GPC5: variants seen among roughly 807,000 people sequenced by gnomAD.
The protein encoded by GPC5 is glypican 5.
Under a neutral mutation model 53.9 loss-of-function variants are expected in GPC5, and 47 were observed. That is an observed-to-expected ratio of 0.87 (90% CI 0.69 to 1.11). The LOEUF (loss-of-function observed/expected upper bound fraction) is 1.11. Ranked by LOEUF, GPC5 falls within the 50% of genes most tolerant of loss-of-function variation. The pLI, the probability that GPC5 is intolerant of heterozygous loss-of-function variation, is 0.00. For synonymous variants in GPC5, 286 were observed against 263.3 expected (o/e 1.09, Z -0.84); for missense variants, 748 against 713.1 (o/e 1.05, Z -0.56).
chr13:91,572,217 A>ATACACACATATGTATATATACGTGTG (rs1566517664), intron 2 of GPC5, among the ~76,000 whole-genome samples: 10 of 89,412 alleles, frequency 1.1e-4, no homozygotes, highest in African/African-American at 3.7e-4. Flanking sequence ...ATACGTGTAT[A>ATACACACATATGTATATATACGTGTG]TATATACACA....
chr13:92,111,238 A>G (rs2041554270), intron 6 of GPC5, among the ~76,000 whole-genome samples: 1 of 152,170 alleles, frequency 6.6e-6, no homozygotes, highest in Non-Finnish European at 1.5e-5. Context: ...TGGCAGCTTC[A>G]TCTACCTACA....
intron 4 of GPC5, among the ~76,000 whole-genome samples, chr13:91,731,989 AACATACAT>A (rs1449618253): frequency 1.3e-5 from 2 of 152,220 alleles, no homozygotes; most frequent in Non-Finnish European, 2.9e-5. Flanking sequence ...TGCTGCAATA[AACATACAT>A]GTGCATGTGT....
chr13:92,702,956 A>G (rs1199721956), intron 7 of GPC5, among the ~76,000 whole-genome samples: 2 of 151,950 alleles, frequency 1.3e-5, no homozygotes, highest in African/African-American at 4.8e-5. Context: ...CTGCCTCTAA[A>G]GCTCAGATGG....
intron 2 of GPC5, among the ~76,000 whole-genome samples, chr13:91,580,372 A>G (rs2032315688): frequency 4.6e-5 from 7 of 152,188 alleles, no homozygotes; most frequent in Admixed American, 4.6e-4. Context: ...GGTGAAAATA[A>G]ATATAACAAA....
intron 7 of GPC5, among the ~76,000 whole-genome samples, chr13:92,684,478 C>A (rs1887199331): frequency 6.6e-6 from 1 of 151,960 alleles, no homozygotes; most frequent in Non-Finnish European, 1.5e-5. Context: ...ACCATATTGG[C>A]CAGGCAGGTC....
At chr13:92,301,914 T>A (rs4773678) in intron 7 of GPC5, among the ~76,000 whole-genome samples, 81,750 of 150,000 alleles carry the variant, frequency 0.55, 22,441 homozygotes, top group South Asian at 0.72. Flanking sequence ...ATAAATAAAT[T>A]AATTAATTAA....
At chr13:92,138,251 TG>T (rs1443196716) in intron 6 of GPC5, among the ~76,000 whole-genome samples, 3 of 152,184 alleles carry the variant, frequency 2.0e-5, no homozygotes, top group Non-Finnish European at 2.9e-5. Context: ...CCAGGCGCAG[TG>T]GCTCACACCT....
At chr13:92,681,471 C>A (rs1244701639) in intron 7 of GPC5, among the ~76,000 whole-genome samples, 1 of 152,022 alleles carries the variant, frequency 6.6e-6, no homozygotes, top group East Asian at 1.9e-4. Flanking sequence ...CCTACCCTGG[C>A]CTCCACCACA....
At chr13:92,083,925 T>G (rs1010288213) in intron 6 of GPC5, among the ~76,000 whole-genome samples, 14 of 152,226 alleles carry the variant, frequency 9.2e-5, no homozygotes, top group Non-Finnish European at 1.2e-4. Flanking sequence ...ATATACTCCA[T>G]GGAATACTAC....
chr13:91,619,232 ATTACCT>A (rs1403697195), intron 2 of GPC5, among the ~76,000 whole-genome samples: 1 of 152,092 alleles, frequency 6.6e-6, no homozygotes, highest in African/African-American at 2.4e-5. Context: ...GAAAAGGTTA[ATTACCT>A]TTACTATGTC....
intron 3 of GPC5, among the ~76,000 whole-genome samples, chr13:91,695,295 A>G (rs1218111916): frequency 1.3e-5 from 2 of 152,160 alleles, no homozygotes; most frequent in Non-Finnish European, 2.9e-5. Flanking sequence ...GGAGGTACCA[A>G]TGACTGCTGT....
chr13:91,735,496 C>A (rs2036795431), intron 4 of GPC5, among the ~76,000 whole-genome samples: 1 of 151,128 alleles, frequency 6.6e-6, no homozygotes, highest in South Asian at 2.1e-4. Context: ...TTTATAAAAT[C>A]TTGTAAGGTA....
At chr13:92,837,124 T>C (rs1452121631) in intron 7 of GPC5, among the ~76,000 whole-genome samples, 1 of 152,148 alleles carries the variant, frequency 6.6e-6, no homozygotes, top group African/African-American at 2.4e-5. Flanking sequence ...CTTACAGTTG[T>C]AAAATAATCA....
At chr13:91,877,367 T>C (rs952577950) in intron 5 of GPC5, among the ~76,000 whole-genome samples, 1 of 152,190 alleles carries the variant, frequency 6.6e-6, no homozygotes, top group African/African-American at 2.4e-5. Context: ...AGGGAGGCTG[T>C]ACCCTGTAAA....
chr13:91,684,060 G>A lies in GPC5; in HGVS notation c.326-9127G>A, dbSNP rs114953154. 7.4e-3 allele frequency among the ~76,000 whole-genome samples: 1,124 copies of A among 152,242 alleles called. 15 individuals are homozygous for A. The highest frequency in any genetic ancestry group is 0.026 in the African/African-American group (1,067 of 41,538). On this transcript the variant is annotated intron_variant, in intron 2 of 7. Coordinates refer to ENST00000377067, the MANE Select transcript of GPC5 (RefSeq NM_004466.6). ...TTGCCCTTTTAATAGCATTTGACATGATAGATTACTTTCTTCTACTTGCAT... is the reference window on the plus strand; with the variant it reads ...TTGCCCTTTTAATAGCATTTGACATAATAGATTACTTTCTTCTACTTGCAT...
At chr13:92,717,339 A>C (rs1216211861) in intron 7 of GPC5, among the ~76,000 whole-genome samples, 1 of 152,140 alleles carries the variant, frequency 6.6e-6, no homozygotes, top group Non-Finnish European at 1.5e-5. Context: ...GGTTCTAGCA[A>C]GTCTACACCT....
intron 5 of GPC5, among the ~76,000 whole-genome samples, chr13:91,899,095 C>CT (rs546548786): frequency 4.8e-4 from 73 of 152,246 alleles, no homozygotes; most frequent in African/African-American, 1.7e-3. Context: ...CAGCTATCAA[C>CT]ACCTTCATAA....
At chr13:91,732,900 T>C (rs571668276) in intron 4 of GPC5, among the ~76,000 whole-genome samples, 1 of 152,326 alleles carries the variant, frequency 6.6e-6, no homozygotes, top group South Asian at 2.1e-4. Context: ...TTGGTACCAG[T>C]ACCATGTTGT....
At chr13:92,142,162 G>A (rs1318798705) in intron 6 of GPC5, among the ~76,000 whole-genome samples, 3 of 152,134 alleles carry the variant, frequency 2.0e-5, no homozygotes, top group Non-Finnish European at 4.4e-5. Flanking sequence ...AAACCTGCAC[G>A]TTGTGCACAT....
Sources: gnomAD v4.1 joint callset for allele counts (sites outside exome capture counted in the v4.1 genomes callset) on GRCh38, gnomAD v4.1.1 for gene constraint, MANE v1.5 for transcripts, NCBI Gene and HGNC (gene_info 2026-07-23, HGNC 2026-07-21) for gene names.